Variants in ECI1 observed in about 807,000 individuals in gnomAD.
ECI1 encodes the protein enoyl-CoA delta isomerase 1, mitochondrial.
A neutral mutation model predicts 34.2 loss-of-function variants in ECI1; 34 were observed. That is an observed-to-expected ratio of 1.00 (90% CI 0.76 to 1.33). The LOEUF (loss-of-function observed/expected upper bound fraction) is 1.33, where lower values mean the gene tolerates loss of function less well. Ranked by LOEUF, ECI1 falls within the 40% of genes most tolerant of loss-of-function variation. ECI1 has a pLI of 0.00. For synonymous variants in ECI1, 211 were observed against 193.0 expected (o/e 1.09, Z -0.77); for missense variants, 456 against 422.2 (o/e 1.08, Z -0.70).
chr16:2,251,487 C>A (rs776120071), intron 1 of ECI1, 28 bp downstream of exon 1: 4 of 1,553,758 alleles, frequency 2.6e-6, no homozygotes, highest in Non-Finnish European at 3.5e-6. Flanking sequence ...GGCCCCGGCC[C>A]GATCCCTGCC....
intron 2 of ECI1, among the ~76,000 whole-genome samples, chr16:2,249,735 G>A (rs1178993300): frequency 3.3e-5 from 5 of 151,332 alleles, no homozygotes; most frequent in African/African-American, 4.9e-5. Context: ...AAAATTAGCC[G>A]GGCGTGGTGG....
rs1016717088 is a variant in ECI1 at position 2,244,545 on chromosome 16, G to A, written c.302C>T (p.Pro101Leu). The A allele has an allele frequency of 5.0e-6, 8 of 1,585,020 alleles. No homozygotes were observed. Among genetic ancestry groups the A allele is most frequent in the Middle Eastern group, 1.7e-4 (1 of 6,024 alleles). ...GTCCAGGCCGGCCGAGAAGACACCC[G>A]GGCGGTCCTGCAGGGGGAGCCGGGG... ...FRGVILTSDR[P>L]GVFSAGLDLT... Residue 101 changes from proline to leucine, a missense_variant, in exon 4 of 7, where the codon CCG (proline) becomes CTG (leucine). Physicochemically the swap from Pro to Leu is moderately conservative, Grantham distance 98. Coordinates refer to ENST00000301729, the MANE Select transcript of ECI1 (RefSeq NM_001919.4).
chr16:2,242,083 C>A (rs2093529364), intron 6 of ECI1, among the ~76,000 whole-genome samples: 1 of 152,156 alleles, frequency 6.6e-6, no homozygotes, highest in Admixed American at 6.6e-5. Context: ...TGGTCTTGAT[C>A]TCCTGACCTT....
Position 2,243,129 on chromosome 16 carries a change from A to C in ECI1, c.659T>G (p.Val220Gly), listed in dbSNP as rs1596784396. 6.2e-7 allele frequency: 1 copy of C among 1,606,292 alleles called. No homozygotes were observed. The highest frequency in any genetic ancestry group is 8.5e-7 in the Non-Finnish European group (1 of 1,179,664). ...CGGGACCACCTGGTCCACTATGCCC[A>C]CCTGCAGGGCCTCCGCCGGCGGGAA... ...LLFPPAEALQVGIVDQVVPEE... is the reference protein window; with the variant it reads ...LLFPPAEALQGGIVDQVVPEE... The change falls in exon 6 of 7, where the codon GTG (valine) becomes GGG (glycine). Residue 220 changes from valine to glycine, a missense_variant. Physicochemically the swap from Val to Gly is moderately radical, Grantham distance 109. Coordinates refer to ENST00000301729, the MANE Select transcript of ECI1 (RefSeq NM_001919.4).
intron 2 of ECI1, 106 bp downstream of exon 2, chr16:2,251,208 AAC>A: frequency 2.5e-6 from 1 of 398,744 alleles, no homozygotes; most frequent in Non-Finnish European, 3.7e-6. Flanking sequence ...TTGGGTTCTA[AAC>A]ACAAACCGAG....
In ECI1 at chr16:2,239,416, G is replaced by C. The variant is rs550802594; in HGVS notation, c.*563C>G. On this transcript the variant is annotated 3_prime_UTR_variant, in exon 7 of 7. Coordinates refer to ENST00000301729, the MANE Select transcript of ECI1 (RefSeq NM_001919.4). ...TGTTTCAAGGGTTTGGATGAGTTTGGTTCTTGCAAAATCCTTCTTAAGGGA... is the reference window on the plus strand; with the variant it reads ...TGTTTCAAGGGTTTGGATGAGTTTGCTTCTTGCAAAATCCTTCTTAAGGGA... 2 of 164,212 alleles carry C rather than the reference G, an allele frequency of 1.2e-5. No homozygotes were observed. The highest frequency in any genetic ancestry group is 4.8e-5 in the African/African-American group (2 of 41,600). 10.2% of individuals were successfully genotyped at this position (164,212 alleles called of 1,614,324 possible).
rs757379799 is a variant in ECI1, at chr16:2,243,435, G to A, written c.446C>T (p.Ala149Val). ...CACCAGGCAGCCTCCAGCGGGGCAG[G>A]CTCCCTGCAGGGAGAGGCCGGACAG... ...NLVLVSAING[A>V]CPAGGCLVAL... The change falls in exon 5 of 7, where the codon GCC becomes GTC. Residue 149 changes from alanine (A) to valine (V), a missense_variant. Coordinates refer to ENST00000301729, the MANE Select transcript of ECI1 (RefSeq NM_001919.4). 1.9e-6 allele frequency: 3 copies of A among 1,612,614 alleles called. No homozygotes were observed. Among genetic ancestry groups the A allele is most frequent in the Non-Finnish European group, 2.5e-6 (3 of 1,179,936 alleles).
chr16:2,243,498 G>A, intron 4 of ECI1, 59 bp from the exon 5 acceptor site: 2 of 1,599,958 alleles, frequency 1.3e-6, no homozygotes, highest in Admixed American at 1.7e-5. Context: ...ACATTCCAGA[G>A]GGCCAGGTCC....
intron 3 of ECI1, 70 bp from the exon 4 acceptor site, chr16:2,244,622 G>A: frequency 1.3e-6 from 2 of 1,511,508 alleles, no homozygotes; most frequent in Non-Finnish European, 1.8e-6. Flanking sequence ...CAGGAGGGCT[G>A]GGGAGCCCAG....
rs1235712468 is a variant in ECI1, at chr16:2,243,040, C to T, written c.742+6G>A. ...CATCGGGCGCCCGCCATGCCCCGTG[C>T]CTCACCTGGAATGGCCATCCACTGG... On this transcript the variant is annotated splice_donor_region_variant and intron_variant, in intron 6 of 6. Coordinates refer to ENST00000301729, the MANE Select transcript of ECI1 (RefSeq NM_001919.4). 6.2e-7 allele frequency: 1 copy of T among 1,600,166 alleles called. No homozygotes were observed. The highest frequency in any genetic ancestry group is 8.5e-7 in the Non-Finnish European group (1 of 1,178,154).
At chr16:2,240,493 G>A (rs191609732) in intron 6 of ECI1, 6 of 299,016 alleles carry the variant, frequency 2.0e-5, no homozygotes, top group African/African-American at 1.3e-4. Flanking sequence ...TTCCAGGCAT[G>A]AGCCAGCACG....
chr16:2,245,274 C>A (rs1236764231), intron 3 of ECI1, among the ~76,000 whole-genome samples: 1 of 152,236 alleles, frequency 6.6e-6, no homozygotes, highest in Non-Finnish European at 1.5e-5. Flanking sequence ...CCCCCCAAGG[C>A]TGTGGGTGAA....
intron 4 of ECI1, 103 bp downstream of exon 4, chr16:2,244,303 C>A: frequency 7.3e-7 from 1 of 1,372,506 alleles, no homozygotes; most frequent in African/African-American, 1.4e-5. Context: ...TCCAACCGTC[C>A]CCTTCCCCTG....
At position 2,244,557 on chromosome 16, in the gene ECI1, A is replaced by C; in HGVS notation, c.295-5T>G. 1.3e-6 allele frequency: 2 copies of C among 1,578,128 alleles called. No homozygotes were observed. The highest frequency in any genetic ancestry group is 2.3e-5 in the East Asian group (1 of 42,970). ...CGAGAAGACACCCGGGCGGTCCTGC[A>C]GGGGGAGCCGGGGCCACATGCCCAT... On this transcript the variant is annotated splice_region_variant and splice_polypyrimidine_tract_variant and intron_variant, in intron 3 of 6. Transcript: ENST00000301729.
intron 4 of ECI1, 98 bp downstream of exon 4, chr16:2,244,308 C>G (rs550053066): frequency 1.4e-6 from 2 of 1,398,108 alleles, no homozygotes; most frequent in African/African-American, 1.4e-5. Context: ...CCGTCCCCTT[C>G]CCCTGTGAGA....
chr16:2,242,881 TG>T, intron 6 of ECI1, 164 bp downstream of exon 6: 2 of 652,468 alleles, frequency 3.1e-6, no homozygotes, highest in Non-Finnish European at 5.5e-6. Context: ...TTCTGCGGTC[TG>T]GGCCACCCGG....
At chr16:2,249,876 CAAAAAAAAAAAAAAAAA>C (rs869259386) in intron 2 of ECI1, among the ~76,000 whole-genome samples, 30 of 20,350 alleles carry the variant, frequency 1.5e-3, no homozygotes, top group African/African-American at 6.6e-3. Flanking sequence ...GACTCCGTCT[CAAAAAAAAAAAAAAAAA>C]AAAAAAAAAA....
rs1434136295 is a variant in ECI1, at chr16:2,240,207, CTTAT to C, written c.743-66_743-63del. 4 of 1,555,668 alleles carry C rather than the reference CTTAT, an allele frequency of 2.6e-6. No individual in the cohort carries two copies. The East Asian group carries it at 6.8e-5, about 27-fold the overall frequency. ...TCAGGGGCAGTGGGGTGATTCCCAA[CTTAT>C]TTTTTATTTTTATTTTTTGAGACGG... is the stretch of plus-strand genomic sequence containing the variant. On this transcript the variant is annotated intron_variant, in intron 6 of 6. Coordinates refer to ENST00000301729, the MANE Select transcript of ECI1 (RefSeq NM_001919.4).
In ECI1 at chr16:2,239,649, T is replaced by C. The variant is rs1017223321; in HGVS notation, c.*330A>G. 2 of 389,450 alleles carry C rather than the reference T, an allele frequency of 5.1e-6. No individual in the cohort carries two copies. Among genetic ancestry groups the C allele is most frequent in the Non-Finnish European group, 9.8e-6 (2 of 203,368 alleles). The allele number at this position is 389,450 out of a possible 1,614,324, so 24.1% of individuals were successfully genotyped here. ...AGAGCAGGCAGTCCAAAGGCCAGAA[T>C]GGATGACCAGGGACTTGACTTACGA... On this transcript the variant is annotated 3_prime_UTR_variant, in exon 7 of 7. Transcript: ENST00000301729.
Sources: allele counts gnomAD v4.1 joint callset (sites outside exome capture counted in the v4.1 genomes callset), GRCh38; gene constraint gnomAD v4.1.1; transcripts MANE v1.5; gene names NCBI Gene and HGNC (gene_info 2026-07-23, HGNC 2026-07-21).